Variants in SLX4 observed in about 807,000 individuals in gnomAD.
SLX4 encodes the protein structure-specific endonuclease subunit SLX4.
Under a neutral mutation model 146.2 loss-of-function variants are expected in SLX4, and 112 were observed. That is an observed-to-expected ratio of 0.77 (90% CI 0.66 to 0.90). SLX4 has a LOEUF of 0.90. Among genes scored for constraint, SLX4 ranks in the 40% least tolerant of loss-of-function variants. SLX4 has a pLI of 0.00. For missense variants in SLX4, 2,563 were observed against 2,392.7 expected (o/e 1.07, Z -1.49); for synonymous variants, 1,061 against 997.7 (o/e 1.06, Z -1.20).
At chr16:3,587,312 C>G (rs2040518743) in intron 12 of SLX4, among the ~76,000 whole-genome samples, 1 of 152,168 alleles carries the variant, frequency 6.6e-6, no homozygotes, top group Non-Finnish European at 1.5e-5. Context: ...GCCTGATCAA[C>G]ATGGTGAAAC....
intron 8 of SLX4, 100 bp downstream of exon 8, chr16:3,596,053 C>T (rs1012862133): frequency 1.5e-5 from 22 of 1,466,834 alleles, no homozygotes; most frequent in South Asian, 5.4e-5. Flanking sequence ...TCAGAGCTGC[C>T]GTCGCGGCGG....
Position 3,590,324 on chromosome 16 carries a change from G to T in SLX4, c.3314C>A (p.Ser1105Tyr), listed in dbSNP as rs759250619. Reference protein sequence around the residue: ...PGHQKGKERRSVLECRNKGVL... With the variant: ...PGHQKGKERRYVLECRNKGVL... ...CCCCTTATTTCTGCACTCCAGCACG[G>T]ACCGACGCTCTTTGCCTTTCTGGTG... Residue 1105 changes from serine (S) to tyrosine (Y), a missense_variant, in exon 12 of 15, where the codon TCC (serine) becomes TAC (tyrosine). Coordinates refer to ENST00000294008, the MANE Select transcript of SLX4 (RefSeq NM_032444.4). This position sits in a 1 kb window ranked among gnomAD's most constrained non-coding sequence, Gnocchi z 4.8. 1.1e-5 allele frequency: 17 copies of T among 1,614,082 alleles called. No homozygotes were observed. Among genetic ancestry groups the T allele is most frequent in the Non-Finnish European group, 1.4e-5 (17 of 1,179,998 alleles).
Position 3,594,457 on chromosome 16 carries a change from T to TG in SLX4, c.2155dup (p.Gln719ProfsTer6), listed in dbSNP as rs745568235. On this transcript the variant is annotated frameshift_variant, in exon 10 of 15. Transcript: ENST00000294008. LOFTEE classifies it high-confidence loss of function. ...CACGGCAGCCCACGTACTTACATAC[T>TG]GGATGAGGAGCGGGCATCGGGCATA... 6.2e-7 allele frequency: 1 copy of TG among 1,612,952 alleles called. No individual in the cohort carries two copies. The highest frequency in any genetic ancestry group is 1.1e-5 in the South Asian group (1 of 90,922).
chr16:3,600,854 C>A (rs2040718463), intron 5 of SLX4, 125 bp downstream of exon 5: 2 of 1,056,758 alleles, frequency 1.9e-6, no homozygotes, highest in Admixed American at 4.1e-5. Context: ...CCTTGGCCTC[C>A]CAAAGTGCTG....
chr16:3,606,882 A>G (rs1194364271), intron 2 of SLX4, among the ~76,000 whole-genome samples, 184 bp from the exon 3 acceptor site: 1 of 152,204 alleles, frequency 6.6e-6, no homozygotes, highest in Non-Finnish European at 1.5e-5. Context: ...ATATAGACAT[A>G]AATATCAATA....
In SLX4 at chr16:3,609,217, G is replaced by C. The variant is rs1162443936; in HGVS notation, c.-253C>G. On this transcript the variant is annotated 5_prime_UTR_variant, in exon 2 of 15. Coordinates refer to ENST00000294008, the MANE Select transcript of SLX4 (RefSeq NM_032444.4). ...AGGTCAGAAGTTCGAGACCAGCCTG[G>C]CCAATATGGTGAAACCTCGTTTCAA... is the stretch of plus-strand genomic sequence containing the variant. The C allele has an allele frequency of 8.1e-5, 35 of 430,500 alleles. No homozygotes were observed. In the Admixed American group the frequency reaches 1.2e-3, roughly 15 times the overall value. 26.7% of individuals were successfully genotyped at this position (430,500 alleles called of 1,614,324 possible).
Position 3,589,990 on chromosome 16 carries a change from C to A in SLX4, c.3648G>T (p.Gln1216His), listed in dbSNP as rs139544666. 97 of 1,613,978 alleles carry A rather than the reference C, an allele frequency of 6.0e-5. No individual in the cohort carries two copies. The highest frequency in any genetic ancestry group is 8.1e-5 in the Non-Finnish European group (95 of 1,180,040). Residue 1216 changes from glutamine to histidine, a missense_variant, in exon 12 of 15, where the codon CAG becomes CAT. By Grantham distance (24) the Gln-to-His change is conservative (BLOSUM62 0). Coordinates refer to ENST00000294008, the MANE Select transcript of SLX4 (RefSeq NM_032444.4). The surrounding 1 kb of genome is among the most constrained non-coding windows in gnomAD (Gnocchi z 6.2). Reference sequence around the variant, plus strand: ...TCTCCGGCAGCGCCCCCTCATCCTCCTGCTGCAGCACAGCTTCGCTTCTTG... The same window carrying A: ...TCTCCGGCAGCGCCCCCTCATCCTCATGCTGCAGCACAGCTTCGCTTCTTG... ...SPPRSEAVLQ[Q>H]EDEGALPENR...
At chr16:3,599,199 C>T (rs2151132793) in intron 5 of SLX4, among the ~76,000 whole-genome samples, 1 of 152,340 alleles carries the variant, frequency 6.6e-6, no homozygotes, top group East Asian at 1.9e-4. Context: ...CAGATGCGCT[C>T]CTCCACCAAG....
Position 3,589,408 on chromosome 16 carries a change from G to T in SLX4, c.4230C>A (p.Asn1410Lys), listed in dbSNP as rs138125792. ...GGTCACTGTCCAGTGGGGGGCTTCT[G>T]TTGGCCTGATGGGAGGCCACCTCCT... ...DEQEVASHQA[N>K]RSPPLDSDPP... The change falls in exon 12 of 15, where the codon AAC becomes AAA. Residue 1410 changes from asparagine (N) to lysine (K), a missense_variant. Physicochemically the swap from Asn to Lys is moderately conservative, Grantham distance 94 (BLOSUM62 0). Coordinates refer to ENST00000294008, the MANE Select transcript of SLX4 (RefSeq NM_032444.4). The surrounding 1 kb of genome is among the most constrained non-coding windows in gnomAD (Gnocchi z 6.2). 2 of 1,601,486 alleles carry T rather than the reference G, an allele frequency of 1.2e-6. No individual in the cohort carries two copies. Among genetic ancestry groups the T allele is most frequent in the Admixed American group, 1.7e-5 (1 of 59,730 alleles).
chr16:3,601,811 T>C (rs745720132), intron 4 of SLX4: 4 of 391,382 alleles, frequency 1.0e-5, no homozygotes, highest in South Asian at 4.6e-5. Flanking sequence ...AGAGGGGCAA[T>C]AGGGAGTGGC....
rs1567170234 is a variant in SLX4, at chr16:3,590,322, CG to C, written c.3315del (p.Val1106CysfsTer10). The C allele has an allele frequency of 6.2e-7, 1 of 1,614,202 alleles. No homozygotes were observed. Among genetic ancestry groups the C allele is most frequent in the Non-Finnish European group, 8.5e-7 (1 of 1,180,042 alleles). On this transcript the variant is annotated frameshift_variant, in exon 12 of 15. Transcript: ENST00000294008. LOFTEE classifies it high-confidence loss of function. The surrounding 1 kb of genome is among the most constrained non-coding windows in gnomAD (Gnocchi z 4.8). ...PGHQKGKERRSVLECRNKGVL... is the reference protein window; with the variant it reads ...PGHQKGKERRXVLECRNKGVL... ...ACCCCCTTATTTCTGCACTCCAGCA[CG>C]GACCGACGCTCTTTGCCTTTCTGGT...
In SLX4 at chr16:3,608,864, T is replaced by A. The variant is rs1567178416; in HGVS notation, c.101A>T (p.Gln34Leu). 1 of 1,614,198 alleles carries A rather than the reference T, an allele frequency of 6.2e-7. No individual in the cohort carries two copies. The change falls in exon 2 of 15, where the codon CAG (glutamine) becomes CTG (leucine). Residue 34 changes from glutamine (Q) to leucine (L), a missense_variant. Coordinates refer to ENST00000294008, the MANE Select transcript of SLX4 (RefSeq NM_032444.4). ...PGIDPRSSED[Q>L]PESLKTGQMM... ...CTGACCAGTTTTAAGGCTTTCAGGCTGGTCTTCAGAGGAGCGAGGGTCAAT... is the reference window on the plus strand; with the variant it reads ...CTGACCAGTTTTAAGGCTTTCAGGCAGGTCTTCAGAGGAGCGAGGGTCAAT...
In SLX4 at chr16:3,590,508, T is replaced by TC. The variant is rs1172496758; in HGVS notation, c.3129dup (p.Ser1044GlufsTer50). On this transcript the variant is annotated frameshift_variant, in exon 12 of 15. Coordinates refer to ENST00000294008, the MANE Select transcript of SLX4 (RefSeq NM_032444.4). LOFTEE classifies it high-confidence loss of function. This position sits in a 1 kb window ranked among gnomAD's most constrained non-coding sequence, Gnocchi z 4.8. ...CTTGTGTGATGAGACCCGCGGGGAC[T>TC]CCCGCCCTGGGGAGGCCCCAATAGG... The TC allele has an allele frequency of 6.2e-7, 1 of 1,613,480 alleles. No individual in the cohort carries two copies. Among genetic ancestry groups the TC allele is most frequent in the Non-Finnish European group, 8.5e-7 (1 of 1,179,546 alleles).
At chr16:3,583,565 C>A in intron 13 of SLX4, 55 bp from the exon 14 acceptor site, 1 of 1,596,690 alleles carries the variant, frequency 6.3e-7, no homozygotes. Context: ...GTCCACACTC[C>A]ACGTTCCCTA....
intron 7 of SLX4, among the ~76,000 whole-genome samples, chr16:3,596,826 T>G (rs982221445): frequency 2.6e-5 from 4 of 151,408 alleles, no homozygotes; most frequent in African/African-American, 9.7e-5. Context: ...GGACTCTGTT[T>G]TTTTTTTTTT....
intron 3 of SLX4, among the ~76,000 whole-genome samples, chr16:3,604,634 G>A (rs111773452): frequency 0.086 from 13,087 of 151,846 alleles, 644 homozygotes; most frequent in African/African-American, 0.13. Flanking sequence ...CAGCCTGGCC[G>A]GCATGGTGAA....
intron 13 of SLX4, 42 bp downstream of exon 13, chr16:3,584,727 G>A (rs752919872): frequency 8.1e-6 from 12 of 1,475,674 alleles, no homozygotes; most frequent in African/African-American, 1.4e-5. Flanking sequence ...CTTATGGGAG[G>A]GAAAAGACCA....
chr16:3,601,945 TA>T (rs746198421), intron 4 of SLX4, 172 bp downstream of exon 4: 3 of 711,718 alleles, frequency 4.2e-6, no homozygotes, highest in Non-Finnish European at 7.1e-6. Flanking sequence ...ATGGGTGAAC[TA>T]TATGTTCTGT....
Position 3,589,209 on chromosome 16 carries a change from G to C in SLX4, c.4429C>G (p.Pro1477Ala). ...TGGGTAGTGCAGCTTCCTCGGATGG[G>C]GGTGGTGTCCAGGAGTCCCGGGGAG... ...CRSPGLLDTT[P>A]IRGSCTTQRK... The change falls in exon 12 of 15, where the codon CCC (proline) becomes GCC (alanine). Residue 1477 changes from proline (P) to alanine (A), a missense_variant. Physicochemically the swap from Pro to Ala is conservative, Grantham distance 27 (BLOSUM62 -1). Coordinates refer to ENST00000294008, the MANE Select transcript of SLX4 (RefSeq NM_032444.4). This position sits in a 1 kb window ranked among gnomAD's most constrained non-coding sequence, Gnocchi z 6.2. 1.9e-6 allele frequency: 3 copies of C among 1,613,920 alleles called. No homozygotes were observed.
Sources: allele counts gnomAD v4.1 joint callset (sites outside exome capture counted in the v4.1 genomes callset), GRCh38; gene constraint gnomAD v4.1.1; non-coding constraint Gnocchi (gnomAD v3.1); transcripts MANE v1.5; gene names NCBI Gene and HGNC (gene_info 2026-07-23, HGNC 2026-07-21).